The following ACTN1 variants were observed in gnomAD, a reference collection of about 807,000 sequenced individuals.
ACTN1 encodes actinin alpha 1.
ACTN1 carries 30 observed loss-of-function variants against 119.6 expected under a neutral mutation model. That is an observed-to-expected ratio of 0.25 (90% CI 0.19 to 0.34). The LOEUF is 0.34. Ranked by LOEUF, ACTN1 falls within the 10% of genes least tolerant of loss-of-function variation. The pLI, the probability that ACTN1 is intolerant of heterozygous loss-of-function variation, is 1.00. For synonymous variants in ACTN1, 429 were observed against 472.6 expected, an observed-to-expected ratio of 0.91 and a Z score of 1.20; for missense variants, 764 against 1,223.4, an observed-to-expected ratio of 0.62 and a Z score of 5.60.
In ACTN1 at chr14:68,880,127, C is replaced by G. The variant is rs1207723584; in HGVS notation, c.2134-19G>C. On this transcript the variant is annotated intron_variant, in intron 17 of 21. Transcript: ENST00000394419. This position sits in a 1 kb window ranked among gnomAD's most constrained non-coding sequence, Gnocchi z 4.6. ...GGATGTGCTGCAGGACGGCAAGGGG[C>G]CTGTCAGCAAAGGGGTCCCAGGCCT... The G allele has an allele frequency of 6.2e-7, 1 of 1,611,522 alleles. No individual in the cohort carries two copies. The highest frequency in any genetic ancestry group is 1.1e-5 in the South Asian group (1 of 90,988).
chr14:68,879,839 G>A lies in ACTN1; in HGVS notation c.2280+123C>T, dbSNP rs1411253162. 12 of 1,389,688 alleles carry A rather than the reference G, an allele frequency of 8.6e-6. No individual in the cohort carries two copies. In the Admixed American group the frequency reaches 1.5e-4, roughly 17 times the overall value. The allele number at this position is 1,389,688 out of a possible 1,614,324, so 86.1% of individuals were successfully genotyped here. A position where few individuals can be genotyped will look rare whatever the true frequency, so the allele number is the denominator to read the frequency against. ...GTGCATTGAGTCAGGGCAGGCTGAC[G>A]GCAGTTTCCCCTTTCTCTCCCTCCT... On this transcript the variant is annotated intron_variant, in intron 18 of 21. Coordinates refer to ENST00000394419, the MANE Select transcript of ACTN1 (RefSeq NM_001130004.2). This position sits in a 1 kb window ranked among gnomAD's most constrained non-coding sequence, Gnocchi z 4.9.
chr14:68,967,334 T>TGGTGAG (rs2036740419), intron 1 of ACTN1, among the ~76,000 whole-genome samples: 1 of 152,164 alleles, frequency 6.6e-6, no homozygotes, highest in South Asian at 2.1e-4. Context: ...CCAAAGGCCC[T>TGGTGAG]CACCACCACT....
intron 6 of ACTN1, among the ~76,000 whole-genome samples, chr14:68,906,073 G>A (rs552796697): frequency 4.0e-5 from 6 of 151,512 alleles, no homozygotes; most frequent in East Asian, 3.8e-4. Flanking sequence ...CAGAGGCCGG[G>A]GGGGCAGGAA....
chr14:68,978,018 C>A, intron 1 of ACTN1: 1 of 456,276 alleles, frequency 2.2e-6, no homozygotes, highest in South Asian at 1.5e-5. Context: ...TTTCTGACCT[C>A]TTCCTGCCAC....
rs541597143 is a variant in ACTN1, at chr14:68,874,167, T to C, written c.*692A>G. 1 of 152,316 alleles carries C rather than the reference T, an allele frequency of 6.6e-6. No individual in the cohort carries two copies. The highest frequency in any genetic ancestry group is 2.1e-4 in the South Asian group (1 of 4,832). The allele number at this position is 152,316 out of a possible 1,614,324, so 9.4% of individuals were successfully genotyped here. On this transcript the variant is annotated 3_prime_UTR_variant, in exon 22 of 22. Transcript: ENST00000394419. Reference sequence around the variant, plus strand: ...TTTTAATACCATCTGTGCCAAGCAATATCAAAGTTGTCCATACTCTCCAAG... The same window carrying C: ...TTTTAATACCATCTGTGCCAAGCAACATCAAAGTTGTCCATACTCTCCAAG...
At chr14:68,973,399 A>G (rs2036958655) in intron 1 of ACTN1, among the ~76,000 whole-genome samples, 2 of 152,148 alleles carry the variant, frequency 1.3e-5, no homozygotes, top group South Asian at 4.1e-4. Flanking sequence ...CACAAGATAC[A>G]ATGGTTTTAT....
At chr14:68,898,991 CCACA>C (rs532627119) in intron 8 of ACTN1, among the ~76,000 whole-genome samples, 2 of 148,964 alleles carry the variant, frequency 1.3e-5, no homozygotes, top group African/African-American at 5.0e-5. Flanking sequence ...ACACCTCACA[CCACA>C]CACACCCTAC....
chr14:68,875,059 G>C (rs1390680221), intron 21 of ACTN1, 42 bp from the exon 22 acceptor site: 1 of 1,606,612 alleles, frequency 6.2e-7, no homozygotes, highest in South Asian at 1.1e-5. Flanking sequence ...AAGTCCAGCA[G>C]CCGTAAAGCG....
At chr14:68,953,131 A>G (rs2140552836) in intron 1 of ACTN1, among the ~76,000 whole-genome samples, 1 of 152,228 alleles carries the variant, frequency 6.6e-6, no homozygotes, top group African/African-American at 2.4e-5. Context: ...TTCAGTTTCC[A>G]ATCTCTAGAA....
chr14:68,977,983 G>A (rs2037123355), intron 1 of ACTN1: 1 of 456,090 alleles, frequency 2.2e-6, no homozygotes, highest in Non-Finnish European at 4.4e-6. Flanking sequence ...GGGTTGAGGC[G>A]CCCTCCCCCC....
rs745956137 is a variant in ACTN1, at chr14:68,874,839, G to A, written c.*20C>T. 75 of 1,550,890 alleles carry A rather than the reference G, an allele frequency of 4.8e-5. 2 individuals carry two copies. In the South Asian group the frequency reaches 8.2e-4, roughly 17 times the overall value. On this transcript the variant is annotated 3_prime_UTR_variant, in exon 22 of 22. Transcript: ENST00000394419. ...AGGCAGGGCACGGCGCACAAGACGA[G>A]GGCGGCCGGGCGGGGTGGATTAGAG...
chr14:68,966,729 T>A (rs1375141558), intron 1 of ACTN1, among the ~76,000 whole-genome samples: 2 of 152,150 alleles, frequency 1.3e-5, no homozygotes, highest in Non-Finnish European at 2.9e-5. Context: ...AGTGGGCTGC[T>A]GACGTCCAAC....
intron 21 of ACTN1, 121 bp from the exon 22 acceptor site, chr14:68,875,138 C>T: frequency 2.6e-6 from 4 of 1,542,928 alleles, no homozygotes; most frequent in Non-Finnish European, 3.5e-6. Flanking sequence ...TTTTGCCTCC[C>T]TCCTGTAACT....
At chr14:68,904,421 G>A (rs1042805177) in intron 7 of ACTN1, among the ~76,000 whole-genome samples, 4 of 152,162 alleles carry the variant, frequency 2.6e-5, no homozygotes, top group South Asian at 2.1e-4. Context: ...TCAGGCAGTC[G>A]ATGCAAGAAC....
rs2033806762 is a variant in ACTN1 at position 68,908,542 on chromosome 14, G to A, written c.594+776C>T. Among the ~76,000 whole-genome samples the A allele has an allele frequency of 2.0e-5, 3 of 152,168 alleles. No homozygotes were observed. In the South Asian group the frequency reaches 6.2e-4, roughly 32 times the overall value. ...CCCCAACTCCAGGTCACCAACTTGG[G>A]GCGTGGGAAGGGTCTTTCCTTGGAT... On this transcript the variant is annotated intron_variant, in intron 6 of 21. Transcript: ENST00000394419.
At chr14:68,942,988 G>A (rs1289409679) in intron 1 of ACTN1, among the ~76,000 whole-genome samples, 1 of 152,136 alleles carries the variant, frequency 6.6e-6, no homozygotes, top group East Asian at 1.9e-4. Flanking sequence ...CTCTTCACCT[G>A]AGGTTCCGCA....
intron 1 of ACTN1, among the ~76,000 whole-genome samples, chr14:68,943,043 AT>A (rs2035816592): frequency 1.3e-5 from 2 of 152,172 alleles, no homozygotes; most frequent in South Asian, 4.1e-4. Flanking sequence ...AGATCAGCAC[AT>A]TAAAAAGCAG....
At chr14:68,914,773 A>AAAAAC (rs1004357736) in intron 3 of ACTN1, among the ~76,000 whole-genome samples, 12 of 152,252 alleles carry the variant, frequency 7.9e-5, no homozygotes, top group Admixed American at 5.2e-4. Flanking sequence ...CCTGTCTCTT[A>AAAAAC]AAAACAAAAC....
intron 8 of ACTN1, among the ~76,000 whole-genome samples, chr14:68,895,848 A>G (rs1486091769): frequency 1.3e-5 from 2 of 152,136 alleles, no homozygotes; most frequent in African/African-American, 4.8e-5. Context: ...GCCCATCCCC[A>G]AGAGCCTGCT....
Sources: allele counts gnomAD v4.1 joint callset (sites outside exome capture counted in the v4.1 genomes callset), GRCh38; gene constraint gnomAD v4.1.1; non-coding constraint Gnocchi (gnomAD v3.1); transcripts MANE v1.5; gene names NCBI Gene and HGNC (gene_info 2026-07-23, HGNC 2026-07-21).